PALLD: variants seen among roughly 807,000 people sequenced by gnomAD.
PALLD encodes palladin.
In PALLD, 61 loss-of-function variants were observed where a neutral mutation model predicts 123.5. That is an observed-to-expected ratio of 0.49 (90% CI 0.40 to 0.61). The LOEUF (loss-of-function observed/expected upper bound fraction) is 0.61, where lower values mean the gene tolerates loss of function less well. PALLD is among the 20% of genes least tolerant of loss of function. The pLI is 0.00. For synonymous variants in PALLD, 465 were observed against 496.4 expected (o/e 0.94, Z 0.84); for missense variants, 1,273 against 1,377.0 (o/e 0.92, Z 1.20).
chr4:168,768,578 A>G (rs991882126), intron 10 of PALLD, among the ~76,000 whole-genome samples: 1 of 152,260 alleles, frequency 6.6e-6, no homozygotes, highest in Non-Finnish European at 1.5e-5. Flanking sequence ...GTTTTTATTC[A>G]GCATGTGTCA....
chr4:168,922,098 TATATACAC>T (rs1209447643), intron 18 of PALLD, among the ~76,000 whole-genome samples: 6,724 of 107,008 alleles, frequency 0.063, 205 homozygotes, highest in Middle Eastern at 0.093. Flanking sequence ...TATATATATA[TATATACAC>T]ACACACACAC....
At position 168,758,363 on chromosome 4, in the gene PALLD, G is replaced by A. The variant is rs370651106; in HGVS notation, c.1964+46440G>A. On this transcript the variant is annotated intron_variant, in intron 10 of 21. Coordinates refer to ENST00000505667, the MANE Select transcript of PALLD (RefSeq NM_001166108.2). ...TCCCATACAGATCCAAAATGAATGT[G>A]AAATGCTGCCTGTCCTCTTTCTCCT... Among the ~76,000 whole-genome samples, 14 of 152,314 alleles carry A rather than the reference G, an allele frequency of 9.2e-5. No individual in the cohort carries two copies. In the South Asian group the frequency reaches 2.9e-3, roughly 32 times the overall value.
intron 2 of PALLD, among the ~76,000 whole-genome samples, chr4:168,659,847 C>T (rs1028226814): frequency 3.3e-5 from 5 of 152,144 alleles, no homozygotes; most frequent in African/African-American, 4.8e-5. Flanking sequence ...CCAAAAGAAA[C>T]TGTCACTCAT....
intron 2 of PALLD, among the ~76,000 whole-genome samples, chr4:168,553,468 G>T (rs1399713689): frequency 6.6e-6 from 1 of 152,172 alleles, no homozygotes; most frequent in Non-Finnish European, 1.5e-5. Flanking sequence ...TGACATATTT[G>T]CAATCAGTGG....
chr4:168,738,272 G>A (rs986376706), intron 10 of PALLD, among the ~76,000 whole-genome samples: 12 of 152,202 alleles, frequency 7.9e-5, no homozygotes, highest in Admixed American at 4.6e-4. Flanking sequence ...ATTGGGTGGG[G>A]GTGGAGGACA....
At chr4:168,758,559 C>T (rs1045130558) in intron 10 of PALLD, among the ~76,000 whole-genome samples, 1 of 152,188 alleles carries the variant, frequency 6.6e-6, no homozygotes, top group East Asian at 1.9e-4. Context: ...CTTGGTGAAC[C>T]ATAAACCTCT....
chr4:168,691,436 A>G, intron 8 of PALLD, 144 bp downstream of exon 8: 1 of 685,216 alleles, frequency 1.5e-6, no homozygotes. Context: ...AAACCCCCTT[A>G]AAAACAATAT....
At chr4:168,682,018 TA>T (rs1781599322) in intron 4 of PALLD, among the ~76,000 whole-genome samples, 1 of 152,186 alleles carries the variant, frequency 6.6e-6, no homozygotes, top group East Asian at 1.9e-4. Flanking sequence ...AAATCATTAC[TA>T]AAATGTGAGG....
intron 2 of PALLD, among the ~76,000 whole-genome samples, chr4:168,545,317 A>G (rs1017762937): frequency 6.6e-6 from 1 of 152,098 alleles, no homozygotes; most frequent in African/African-American, 2.4e-5. Context: ...ACCTGAGGTC[A>G]GGAGTTCAAG....
At chr4:168,701,862 C>T (rs1311682963) in intron 8 of PALLD, among the ~76,000 whole-genome samples, 1 of 152,158 alleles carries the variant, frequency 6.6e-6, no homozygotes, top group East Asian at 1.9e-4. Context: ...GAGAAGCCTT[C>T]ACCACTCACA....
chr4:168,888,484 C>A (rs1051497862), intron 10 of PALLD, among the ~76,000 whole-genome samples: 1 of 152,146 alleles, frequency 6.6e-6, no homozygotes, highest in African/African-American at 2.4e-5. Flanking sequence ...TCATCATTGG[C>A]ACATATGGGT....
At chr4:168,779,522 T>C (rs1735607743) in intron 10 of PALLD, among the ~76,000 whole-genome samples, 1 of 151,106 alleles carries the variant, frequency 6.6e-6, no homozygotes, top group Admixed American at 6.6e-5. Context: ...TAAAATATCA[T>C]ATATATACAC....
intron 2 of PALLD, among the ~76,000 whole-genome samples, chr4:168,548,241 T>C (rs1025419375): frequency 6.6e-6 from 1 of 151,944 alleles, no homozygotes. Flanking sequence ...AATGAGGTAA[T>C]ATTTACTGTT....
At chr4:168,890,743 A>G (rs1333313377) in intron 10 of PALLD, among the ~76,000 whole-genome samples, 179 bp from the exon 11 acceptor site, 1 of 152,174 alleles carries the variant, frequency 6.6e-6, no homozygotes, top group Non-Finnish European at 1.5e-5. Context: ...CCTGGATCCA[A>G]TTAGTGTTAC....
intron 10 of PALLD, among the ~76,000 whole-genome samples, chr4:168,784,152 GTAGTTGGC>G (rs1157699090): frequency 6.6e-6 from 1 of 152,124 alleles, no homozygotes; most frequent in East Asian, 1.9e-4. Flanking sequence ...ATAAGAGGAG[GTAGTTGGC>G]TACCAACAGA....
intron 10 of PALLD, among the ~76,000 whole-genome samples, chr4:168,765,340 G>A (rs891713486): frequency 3.3e-5 from 5 of 152,214 alleles, no homozygotes; most frequent in African/African-American, 1.2e-4. Flanking sequence ...GAGAGACAGA[G>A]AGCGTGGCCC....
chr4:168,862,942 G>A (rs1438293286), intron 10 of PALLD, among the ~76,000 whole-genome samples: 2 of 152,076 alleles, frequency 1.3e-5, no homozygotes, highest in Non-Finnish European at 2.9e-5. Flanking sequence ...TGAGGGAGTG[G>A]GTCTGTTTAA....
intron 1 of PALLD, among the ~76,000 whole-genome samples, chr4:168,508,298 TA>T (rs1164872665): frequency 1.3e-5 from 2 of 152,236 alleles, no homozygotes; most frequent in Admixed American, 6.5e-5. Flanking sequence ...AAATACAATT[TA>T]AAAAAAGACA....
intron 2 of PALLD, among the ~76,000 whole-genome samples, chr4:168,657,645 C>G (rs563359234): frequency 2.1e-3 from 317 of 152,346 alleles, no homozygotes; most frequent in Non-Finnish European, 3.3e-3. Flanking sequence ...CAGACACAGA[C>G]AAGCAAGCGG....
Sources: allele counts gnomAD v4.1 joint callset (sites outside exome capture counted in the v4.1 genomes callset), GRCh38; gene constraint gnomAD v4.1.1; transcripts MANE v1.5; gene names NCBI Gene and HGNC (gene_info 2026-07-23, HGNC 2026-07-21).